The following INPP4B variants were observed in gnomAD, a reference collection of about 807,000 sequenced individuals.
The protein encoded by INPP4B is inositol polyphosphate-4-phosphatase type II B.
A neutral mutation model predicts 122.5 loss-of-function variants in INPP4B; 55 were observed. The observed-to-expected ratio is 0.45, with a 90% CI of 0.36 to 0.56. The LOEUF (loss-of-function observed/expected upper bound fraction) is 0.56, where lower values mean the gene tolerates loss of function less well. Among genes scored for constraint, INPP4B ranks in the 20% least tolerant of loss-of-function variants. The pLI, the probability that INPP4B is intolerant of heterozygous loss-of-function variation, is 0.00. For synonymous variants in INPP4B, 403 were observed against 388.7 expected (o/e 1.04, Z -0.43); for missense variants, 1,000 against 1,097.7 (o/e 0.91, Z 1.26).
chr4:142,459,267 C>G (rs1489801502), intron 3 of INPP4B, among the ~76,000 whole-genome samples: 2 of 133,546 alleles, frequency 1.5e-5, no homozygotes, highest in Non-Finnish European at 1.6e-5. Flanking sequence ...GATCAAAGGA[C>G]AGTGCCTGAA....
At chr4:142,039,855 G>A (rs1746219525) in intron 25 of INPP4B, among the ~76,000 whole-genome samples, 3 of 152,056 alleles carry the variant, frequency 2.0e-5, no homozygotes, top group Admixed American at 2.0e-4. Flanking sequence ...ATATATGTAA[G>A]ATGGAAAATT....
chr4:142,226,011 A>G (rs1379842154), intron 12 of INPP4B, among the ~76,000 whole-genome samples: 1 of 152,224 alleles, frequency 6.6e-6, no homozygotes, highest in African/African-American at 2.4e-5. Flanking sequence ...CATTTTATCT[A>G]GTAACTAACA....
chr4:142,732,005 C>T (rs1766164028), intron 1 of INPP4B, among the ~76,000 whole-genome samples: 1 of 152,026 alleles, frequency 6.6e-6, no homozygotes, highest in Non-Finnish European at 1.5e-5. Context: ...TCACATGAGG[C>T]CCATTATCCC....
At chr4:142,747,679 TAC>T (rs1210684344) in intron 1 of INPP4B, among the ~76,000 whole-genome samples, 5 of 152,174 alleles carry the variant, frequency 3.3e-5, no homozygotes, top group Non-Finnish European at 2.9e-5. Context: ...CAGCATGGAA[TAC>T]TATGCAGCCA....
At chr4:142,246,632 T>C (rs1451623455) in intron 11 of INPP4B, among the ~76,000 whole-genome samples, 1 of 152,196 alleles carries the variant, frequency 6.6e-6, no homozygotes, top group African/African-American at 2.4e-5. Context: ...CCTGTGATTT[T>C]TGAACATTGA....
intron 25 of INPP4B, among the ~76,000 whole-genome samples, chr4:142,074,306 T>A (rs1050644191): frequency 6.6e-6 from 1 of 152,076 alleles, no homozygotes; most frequent in African/African-American, 2.4e-5. Flanking sequence ...CCAGTAAATG[T>A]TTAGACAGAT....
At chr4:142,566,550 A>G (rs1731667813) in intron 2 of INPP4B, among the ~76,000 whole-genome samples, 1 of 152,156 alleles carries the variant, frequency 6.6e-6, no homozygotes, top group East Asian at 1.9e-4. Context: ...GAGATATCCT[A>G]AAGAGAATGT....
intron 25 of INPP4B, among the ~76,000 whole-genome samples, chr4:142,042,867 A>G (rs886662986): frequency 1.3e-5 from 2 of 152,238 alleles, no homozygotes; most frequent in Non-Finnish European, 2.9e-5. Context: ...AGACGATTCT[A>G]TTAGGGTTGA....
intron 23 of INPP4B, among the ~76,000 whole-genome samples, chr4:142,100,924 AACCGAGT>A: frequency 6.6e-6 from 1 of 152,108 alleles, no homozygotes; most frequent in East Asian, 1.9e-4. Context: ...GTTCAGAGGA[AACCGAGT>A]ATTACCATGT....
chr4:142,721,998 C>T (rs981894546), intron 2 of INPP4B, among the ~76,000 whole-genome samples: 1 of 152,012 alleles, frequency 6.6e-6, no homozygotes, highest in Admixed American at 6.6e-5. Context: ...CTGCTTTACT[C>T]ATAAGGAAAA....
intron 7 of INPP4B, among the ~76,000 whole-genome samples, chr4:142,381,981 T>C (rs994408566): frequency 6.6e-6 from 1 of 152,168 alleles, no homozygotes; most frequent in Non-Finnish European, 1.5e-5. Flanking sequence ...TAAGTCTTAC[T>C]ATTATTTTTA....
chr4:142,669,093 T>C (rs1349307418), intron 2 of INPP4B, among the ~76,000 whole-genome samples: 1 of 151,854 alleles, frequency 6.6e-6, no homozygotes, highest in Non-Finnish European at 1.5e-5. Context: ...AATAAAATGA[T>C]CATTAATAAA....
At chr4:142,532,478 C>G (rs888125036) in intron 2 of INPP4B, among the ~76,000 whole-genome samples, 3 of 152,120 alleles carry the variant, frequency 2.0e-5, no homozygotes, top group Non-Finnish European at 4.4e-5. Flanking sequence ...ATTACATGCT[C>G]TGATCATCCC....
intron 2 of INPP4B, among the ~76,000 whole-genome samples, chr4:142,532,603 AACCACAATAGCCCGCCAGATTAAGAT>A (rs1176897741): frequency 6.6e-6 from 1 of 152,172 alleles, no homozygotes; most frequent in Admixed American, 6.6e-5. Flanking sequence ...AAAGAGAAGG[AACCACAATAGCCCGCCAGATTAAGAT>A]AGGACCTCAG....
intron 2 of INPP4B, among the ~76,000 whole-genome samples, chr4:142,512,989 C>A (rs1325034385): frequency 6.6e-6 from 1 of 152,074 alleles, no homozygotes; most frequent in Admixed American, 6.5e-5. Context: ...TGACATATAG[C>A]TTTTTAATTT....
At chr4:142,534,913 G>A (rs968801140) in intron 2 of INPP4B, among the ~76,000 whole-genome samples, 5 of 151,846 alleles carry the variant, frequency 3.3e-5, no homozygotes, top group African/African-American at 1.2e-4. Flanking sequence ...TTTATTACAG[G>A]TATAGCACAA....
At chr4:142,387,558 A>G (rs540509478) in intron 7 of INPP4B, among the ~76,000 whole-genome samples, 2 of 152,118 alleles carry the variant, frequency 1.3e-5, no homozygotes, top group African/African-American at 4.8e-5. Context: ...TGTGGCAAGC[A>G]GGGTTAGGTC....
chr4:142,395,750 G>A (rs993585399), intron 7 of INPP4B, among the ~76,000 whole-genome samples: 4 of 152,140 alleles, frequency 2.6e-5, no homozygotes, highest in Non-Finnish European at 4.4e-5. Flanking sequence ...CATAATATGT[G>A]CCTGGATGAA....
At chr4:142,091,178 T>C (rs1422313183) in intron 23 of INPP4B, among the ~76,000 whole-genome samples, 3 of 152,198 alleles carry the variant, frequency 2.0e-5, no homozygotes, top group African/African-American at 7.2e-5. Context: ...AGCTGAGCAA[T>C]GGGTTCCCAA....
Sources: allele counts gnomAD v4.1 joint callset (sites outside exome capture counted in the v4.1 genomes callset), GRCh38; gene constraint gnomAD v4.1.1; transcripts MANE v1.5; gene names NCBI Gene and HGNC (gene_info 2026-07-23, HGNC 2026-07-21).